EDIL3: variants seen among roughly 807,000 people sequenced by gnomAD.
EDIL3 encodes EGF like and discoidin domains 3, also known as EGF-like repeat and discoidin I-like domain-containing protein 3.
Under a neutral mutation model 67.4 loss-of-function variants are expected in EDIL3, and 37 were observed. The ratio of observed to expected loss-of-function variants is 0.55; its 90% CI spans 0.42 to 0.72. The LOEUF is 0.72. EDIL3 is among the 30% of genes least tolerant of loss of function. The pLI, the probability that EDIL3 is intolerant of heterozygous loss-of-function variation, is 0.00. For synonymous variants in EDIL3, 195 were observed against 196.3 expected (o/e 0.99, Z 0.05); for missense variants, 527 against 586.3 (o/e 0.90, Z 1.04).
At chr5:84,104,613 C>T (rs1412911420) in intron 6 of EDIL3, among the ~76,000 whole-genome samples, 2 of 151,916 alleles carry the variant, frequency 1.3e-5, no homozygotes, top group Non-Finnish European at 2.9e-5. Flanking sequence ...TTATCATCTT[C>T]AGACCAAAAG....
intron 1 of EDIL3, among the ~76,000 whole-genome samples, chr5:84,308,485 A>G (rs994191208): frequency 1.3e-5 from 2 of 152,214 alleles, no homozygotes; most frequent in African/African-American, 4.8e-5. Context: ...AGTTTAAAAT[A>G]GTGATCATCT....
At position 84,136,516 on chromosome 5, in the gene EDIL3, T is replaced by C. The variant is rs1038145204; in HGVS notation, c.469+725A>G. 9.9e-5 allele frequency among the ~76,000 whole-genome samples: 15 copies of C among 152,130 alleles called. 1 individual carries two copies. The highest frequency in any genetic ancestry group is 5.9e-4 in the Admixed American group (9 of 15,266). ...GTAAGTGGTGCTTTCTGCCTCTTTG[T>C]AAACACTTAAGGCAAATAACTGCCC... On this transcript the variant is annotated intron_variant, in intron 5 of 10. Transcript: ENST00000296591.
intron 9 of EDIL3, among the ~76,000 whole-genome samples, chr5:83,980,807 A>C (rs1304803660): frequency 1.3e-5 from 2 of 151,262 alleles, no homozygotes; most frequent in Admixed American, 6.6e-5. Flanking sequence ...GTAGGAAACA[A>C]GATCACTATA....
At chr5:84,227,648 T>C (rs1168796265) in intron 3 of EDIL3, among the ~76,000 whole-genome samples, 1 of 152,142 alleles carries the variant, frequency 6.6e-6, no homozygotes, top group Non-Finnish European at 1.5e-5. Context: ...TGCTGCACTA[T>C]TCACAATAGC....
chr5:84,197,631 T>C (rs571558864), intron 3 of EDIL3, among the ~76,000 whole-genome samples: 81 of 150,828 alleles, frequency 5.4e-4, no homozygotes, highest in Middle Eastern at 3.4e-3. Flanking sequence ...TGAACTCCAG[T>C]CTGGTGACAG....
chr5:84,181,453 G>C (rs1046318075), intron 3 of EDIL3, among the ~76,000 whole-genome samples: 2 of 152,190 alleles, frequency 1.3e-5, no homozygotes, highest in African/African-American at 4.8e-5. Flanking sequence ...TGTACTCTGA[G>C]GTGCCCCAAT....
chr5:84,012,033 G>A (rs1025973985), intron 9 of EDIL3, among the ~76,000 whole-genome samples: 1 of 152,102 alleles, frequency 6.6e-6, no homozygotes, highest in African/African-American at 2.4e-5. Flanking sequence ...TCTAATTCCA[G>A]TGACTAGAAT....
chr5:84,306,795 C>G (rs917263594), intron 1 of EDIL3, among the ~76,000 whole-genome samples: 2 of 152,206 alleles, frequency 1.3e-5, no homozygotes, highest in African/African-American at 2.4e-5. Context: ...GAAAGTCACA[C>G]TTTCCAAACT....
Position 84,254,170 on chromosome 5 carries a change from C to G in EDIL3, c.110G>C (p.Cys37Ser). 8 of 1,612,488 alleles carry G rather than the reference C, an allele frequency of 5.0e-6. No individual in the cohort carries two copies. The highest frequency in any genetic ancestry group is 6.8e-6 in the Non-Finnish European group (8 of 1,179,180). Residue 37 changes from cysteine (C) to serine (S), a missense_variant, in exon 2 of 11, where the codon TGT becomes TCT. Transcript: ENST00000296591. ...DPNPCENGGICLPGLADGSFS... is the reference protein window; with the variant it reads ...DPNPCENGGISLPGLADGSFS... Reference sequence around the variant, plus strand: ...GGAACCATCAGCCAATCCTGGCAAACAGATACCTCCATTTTCACATGGATT... The same window carrying G: ...GGAACCATCAGCCAATCCTGGCAAAGAGATACCTCCATTTTCACATGGATT...
intron 1 of EDIL3, among the ~76,000 whole-genome samples, chr5:84,288,598 T>C (rs1745855340): frequency 6.6e-6 from 1 of 152,148 alleles, no homozygotes; most frequent in Admixed American, 6.6e-5. Context: ...CACATCGTCC[T>C]GTCACCTCGG....
At chr5:84,305,429 T>C (rs938385084) in intron 1 of EDIL3, among the ~76,000 whole-genome samples, 2 of 152,200 alleles carry the variant, frequency 1.3e-5, no homozygotes, top group African/African-American at 4.8e-5. Context: ...TCATGTTAGT[T>C]CTATTGTCAT....
Position 84,048,219 on chromosome 5 carries a change from T to A in EDIL3, c.1137+12081A>T, listed in dbSNP as rs770652294. ...CAGAATAATCCTTCATATTGACAAA[T>A]GTTTCCAGTGGCCTGGTGGTCACTT... On this transcript the variant is annotated intron_variant, in intron 9 of 10. Coordinates refer to ENST00000296591, the MANE Select transcript of EDIL3 (RefSeq NM_005711.5). 32 of 431,936 alleles carry A rather than the reference T, an allele frequency of 7.4e-5. No individual in the cohort carries two copies. The Middle Eastern group carries it at 0.011, about 147-fold the overall frequency. The allele number at this position is 431,936 out of a possible 1,614,324, so 26.8% of individuals were successfully genotyped here. A position where few individuals can be genotyped will look rare whatever the true frequency, so the allele number is the denominator to read the frequency against.
At chr5:84,324,924 G>C (rs988694983) in intron 1 of EDIL3, among the ~76,000 whole-genome samples, 1 of 126,454 alleles carries the variant, frequency 7.9e-6, no homozygotes, top group Non-Finnish European at 1.9e-5. Flanking sequence ...AAATTCTCCT[G>C]ATTAAAAAAA....
chr5:84,266,931 G>A (rs1428992162), intron 1 of EDIL3, among the ~76,000 whole-genome samples: 1 of 152,134 alleles, frequency 6.6e-6, no homozygotes, highest in Non-Finnish European at 1.5e-5. Flanking sequence ...TATACTAAGT[G>A]TTTTATGGGT....
At chr5:84,296,712 C>T (rs72776599) in intron 1 of EDIL3, among the ~76,000 whole-genome samples, 13,798 of 152,106 alleles carry the variant, frequency 0.091, 782 homozygotes, top group South Asian at 0.2. Context: ...TTTTTGGCAA[C>T]TTCATCATAA....
intron 9 of EDIL3, among the ~76,000 whole-genome samples, chr5:84,042,400 GCCC>G (rs1391691586): frequency 6.6e-6 from 1 of 151,812 alleles, no homozygotes; most frequent in Non-Finnish European, 1.5e-5. Context: ...TCCTGCCTCA[GCCC>G]CCCGAGTAGT....
At chr5:84,072,538 C>T (rs1374320591) in intron 6 of EDIL3, among the ~76,000 whole-genome samples, 3 of 152,094 alleles carry the variant, frequency 2.0e-5, no homozygotes, top group Non-Finnish European at 2.9e-5. Context: ...AGTGTAATGA[C>T]ATCATATTTA....
At chr5:84,281,523 A>G (rs1745702971) in intron 1 of EDIL3, among the ~76,000 whole-genome samples, 1 of 152,230 alleles carries the variant, frequency 6.6e-6, no homozygotes, top group South Asian at 2.1e-4. Flanking sequence ...GTATCTAATC[A>G]GTGCTTAAAA....
intron 9 of EDIL3, among the ~76,000 whole-genome samples, chr5:84,011,050 C>T (rs1745508416): frequency 6.6e-6 from 1 of 152,192 alleles, no homozygotes. Flanking sequence ...ACCATCTATG[C>T]TCCAGTGAGA....
Sources: gnomAD v4.1 joint callset for allele counts (sites outside exome capture counted in the v4.1 genomes callset) on GRCh38, gnomAD v4.1.1 for gene constraint, MANE v1.5 for transcripts, NCBI Gene and HGNC (gene_info 2026-07-23, HGNC 2026-07-21) for gene names.